NEGR1: variants seen among roughly 807,000 people sequenced by gnomAD.
NEGR1 encodes the protein IgLON family member 4.
In NEGR1, 10 loss-of-function variants were observed where a neutral mutation model predicts 40.9. That is an observed-to-expected ratio of 0.24 (90% CI 0.15 to 0.42). The LOEUF (loss-of-function observed/expected upper bound fraction) is 0.42. Ranked by LOEUF, NEGR1 falls within the 10% of genes least tolerant of loss-of-function variation. The pLI is 1.00. For missense variants in NEGR1, 352 were observed against 438.9 expected, an observed-to-expected ratio of 0.80 and a Z score of 1.77; for synonymous variants, 185 against 166.8, an observed-to-expected ratio of 1.11 and a Z score of -0.84.
chr1:72,036,148 A>C (rs1646900045), intron 1 of NEGR1, among the ~76,000 whole-genome samples: 1 of 152,230 alleles, frequency 6.6e-6, no homozygotes, highest in Non-Finnish European at 1.5e-5. Context: ...TAGCATAAGT[A>C]CATTTCAGTG....
chr1:71,495,786 G>T (rs1026775610), intron 6 of NEGR1, among the ~76,000 whole-genome samples: 1 of 152,086 alleles, frequency 6.6e-6, no homozygotes, highest in Non-Finnish European at 1.5e-5. Flanking sequence ...AAGAGAGGAT[G>T]GTAGTGATAC....
At chr1:71,794,655 A>G (rs974127878) in intron 2 of NEGR1, 27 of 152,232 alleles carry the variant, frequency 1.8e-4, no homozygotes, top group African/African-American at 6.5e-4. Context: ...TTTTAATAAT[A>G]TAGAATTACT....
At chr1:71,884,234 T>C (rs1270911436) in intron 2 of NEGR1, among the ~76,000 whole-genome samples, 1 of 152,158 alleles carries the variant, frequency 6.6e-6, no homozygotes, top group African/African-American at 2.4e-5. Flanking sequence ...TTGTTTTTTT[T>C]CCTTTATTTC....
chr1:71,554,998 G>T (rs1020586697), intron 6 of NEGR1, among the ~76,000 whole-genome samples: 1 of 151,550 alleles, frequency 6.6e-6, no homozygotes, highest in Admixed American at 6.6e-5. Flanking sequence ...TTCTGAAAGT[G>T]CTCATTAAAA....
In NEGR1 at chr1:71,503,179, T is replaced by A. The variant is rs567304499; in HGVS notation, c.940+89638A>T. On this transcript the variant is annotated intron_variant, in intron 6 of 6. Coordinates refer to ENST00000357731, the MANE Select transcript of NEGR1 (RefSeq NM_173808.3). ...GTTTTATCTGGCCTAAAGACCCTAC[T>A]TGTAACCCTTCGGTCTTTTGGCCTA... is the stretch of plus-strand genomic sequence containing the variant. Among the ~76,000 whole-genome samples, 20 of 152,310 alleles carry A rather than the reference T, an allele frequency of 1.3e-4. 1 individual carries two copies. In the East Asian group the frequency reaches 3.9e-3, roughly 29 times the overall value.
At chr1:71,728,967 A>C (rs1189141121) in intron 3 of NEGR1, among the ~76,000 whole-genome samples, 1 of 152,114 alleles carries the variant, frequency 6.6e-6, no homozygotes, top group Non-Finnish European at 1.5e-5. Flanking sequence ...CTACCATCCA[A>C]TTCTGACAGA....
chr1:72,175,454 G>A (rs926484743), intron 1 of NEGR1, among the ~76,000 whole-genome samples: 1 of 151,862 alleles, frequency 6.6e-6, no homozygotes, highest in African/African-American at 2.4e-5. Context: ...GAGTCTAATT[G>A]GGCTTTCACA....
intron 1 of NEGR1, among the ~76,000 whole-genome samples, chr1:71,981,202 C>G (rs950026084): frequency 2.6e-5 from 4 of 152,074 alleles, no homozygotes; most frequent in Admixed American, 2.6e-4. Context: ...TTGAGAAATA[C>G]TATGATAAAT....
intron 4 of NEGR1, among the ~76,000 whole-genome samples, chr1:71,655,927 T>G (rs1557601811): frequency 6.6e-6 from 1 of 152,176 alleles, no homozygotes; most frequent in Non-Finnish European, 1.5e-5. Flanking sequence ...TAACAATAAG[T>G]GTCATTGTTA....
At chr1:71,906,363 C>T (rs1236040887) in intron 2 of NEGR1, among the ~76,000 whole-genome samples, 1 of 151,606 alleles carries the variant, frequency 6.6e-6, no homozygotes, top group African/African-American at 2.4e-5. Flanking sequence ...AACCAAACAC[C>T]ATCTGTTCCC....
At chr1:71,707,127 A>T (rs1450305736) in intron 3 of NEGR1, among the ~76,000 whole-genome samples, 1 of 152,022 alleles carries the variant, frequency 6.6e-6, no homozygotes, top group Non-Finnish European at 1.5e-5. Context: ...AGCAAAGGAA[A>T]AAAAGGGGTC....
intron 6 of NEGR1, chr1:71,461,565 C>T (rs551304024): frequency 6.6e-6 from 1 of 152,262 alleles, no homozygotes; most frequent in East Asian, 1.9e-4. Flanking sequence ...CCACAGAAGG[C>T]TGAACAAATG....
At chr1:71,871,969 G>T (rs761621246) in intron 2 of NEGR1, among the ~76,000 whole-genome samples, 1 of 152,078 alleles carries the variant, frequency 6.6e-6, no homozygotes, top group East Asian at 1.9e-4. Context: ...TGTTTGCATA[G>T]AATCAAATAC....
chr1:72,240,431 A>G (rs1420143025), intron 1 of NEGR1, among the ~76,000 whole-genome samples: 2 of 151,874 alleles, frequency 1.3e-5, no homozygotes, highest in Non-Finnish European at 2.9e-5. Flanking sequence ...AATGGGTGCC[A>G]AAACTACTGC....
At chr1:71,910,523 A>G (rs1263607009) in intron 2 of NEGR1, among the ~76,000 whole-genome samples, 1 of 152,148 alleles carries the variant, frequency 6.6e-6, no homozygotes, top group African/African-American at 2.4e-5. Flanking sequence ...ATTTAAGTCC[A>G]GATAATTTGA....
At chr1:71,461,662 A>C (rs956938274) in intron 6 of NEGR1, 1 of 152,212 alleles carries the variant, frequency 6.6e-6, no homozygotes, top group Non-Finnish European at 1.5e-5. Context: ...ACATGTGCCC[A>C]ATATCAAATA....
chr1:72,175,091 G>GTA (rs932877704), intron 1 of NEGR1, among the ~76,000 whole-genome samples: 2 of 152,004 alleles, frequency 1.3e-5, no homozygotes, highest in Non-Finnish European at 2.9e-5. Flanking sequence ...AGCATTAGCT[G>GTA]TATCTCCTAA....
Position 71,666,972 on chromosome 1 carries a change from A to G in NEGR1, c.667+31036T>C, listed in dbSNP as rs562959308. Among the ~76,000 whole-genome samples the G allele has an allele frequency of 4.6e-5, 7 of 152,308 alleles. No homozygotes were observed. The South Asian group carries it at 1.5e-3, about 32-fold the overall frequency. ...TGCAAGCATCTATCTGTAGATATTAACAAATATTTTGTCTGGTATTAACAT... is the reference window on the plus strand; with the variant it reads ...TGCAAGCATCTATCTGTAGATATTAGCAAATATTTTGTCTGGTATTAACAT... On this transcript the variant is annotated intron_variant, in intron 4 of 6. Coordinates refer to ENST00000357731, the MANE Select transcript of NEGR1 (RefSeq NM_173808.3).
intron 3 of NEGR1, among the ~76,000 whole-genome samples, chr1:71,727,500 G>A (rs1042081881): frequency 2.0e-5 from 3 of 152,108 alleles, no homozygotes; most frequent in Non-Finnish European, 4.4e-5. Context: ...AAAAAATCAA[G>A]AGAAGTAGCT....
Sources: gnomAD v4.1 joint callset for allele counts (sites outside exome capture counted in the v4.1 genomes callset) on GRCh38, gnomAD v4.1.1 for gene constraint, MANE v1.5 for transcripts, NCBI Gene and HGNC (gene_info 2026-07-23, HGNC 2026-07-21) for gene names.